PUDP: variants seen among roughly 807,000 people sequenced by gnomAD.
PUDP encodes the protein pseudouridine 5'-phosphatase.
PUDP carries 8 observed loss-of-function variants against 9.4 expected under a neutral mutation model. The observed-to-expected ratio is 0.85, with a 90% CI of 0.50 to 1.53. The LOEUF is 1.53. Among genes scored for constraint, PUDP ranks in the 40% most tolerant of loss-of-function variants. The probability of loss-of-function intolerance (pLI) is 0.00; values close to 1 mark genes in which losing one functional copy is unlikely to be tolerated. For synonymous variants in PUDP, 99 were observed against 80.7 expected (o/e 1.23, Z -1.22); for missense variants, 188 against 189.7 (o/e 0.99, Z 0.05).
intron 3 of PUDP, among the ~76,000 whole-genome samples, chrX:6,919,186 T>C (rs754142398): frequency 1.8e-5 from 2 of 112,198 alleles, no homozygotes; most frequent in Admixed American, 9.4e-5. Context: ...TTCAAAGAGT[T>C]TGAAATATTT....
intron 3 of PUDP, among the ~76,000 whole-genome samples, chrX:6,753,045 G>A (rs184289870): frequency 5.0e-4 from 55 of 110,718 alleles, no homozygotes; most frequent in Non-Finnish European, 4.2e-4. Context: ...CTTTAGTGGT[G>A]ATTTGTGAGA....
rs780445761 is a variant in PUDP at position 6,817,588 on chromosome X, T to C, written c.*248-111122A>G. 3.6e-5 allele frequency among the ~76,000 whole-genome samples: 4 copies of C among 111,788 alleles called. No individual in the cohort carries two copies. The East Asian group carries it at 1.1e-3, about 31-fold the overall frequency. On this transcript the variant is annotated intron_variant and NMD_transcript_variant, in intron 3 of 3. Coordinates refer to the PUDP transcript ENST00000655425. ...CAAATATTCTAGTCAATGGGAAAGA[T>C]TCACTAAGTCCTGCCCACACACAAG...
chrX:6,829,400 C>A (rs1352192405), intron 3 of PUDP, among the ~76,000 whole-genome samples: 5 of 111,411 alleles, frequency 4.5e-5, no homozygotes, highest in Non-Finnish European at 1.9e-5. Flanking sequence ...ATTGCTGGAT[C>A]GTAGGATAAG....
intron 3 of PUDP, among the ~76,000 whole-genome samples, chrX:6,746,020 C>A (rs1924995787): frequency 1.8e-5 from 2 of 112,223 alleles, no homozygotes; most frequent in Admixed American, 1.9e-4. Context: ...CCACTGATCA[C>A]AAAGCCCCCC....
intron 2 of PUDP, among the ~76,000 whole-genome samples, chrX:7,084,118 G>C (rs55991540): frequency 0.24 from 26,996 of 110,348 alleles, 2,619 homozygotes; most frequent in Admixed American, 0.41. Flanking sequence ...CATCTTTGCG[G>C]GTGAAGACAT....
At chrX:6,751,567 G>T (rs1485172330) in intron 3 of PUDP, among the ~76,000 whole-genome samples, 1 of 111,575 alleles carries the variant, frequency 9.0e-6, no homozygotes, top group East Asian at 2.8e-4. Context: ...TAAAATAGCA[G>T]GTAGCCACAA....
chrX:6,923,895 C>G (rs987241808), intron 3 of PUDP, among the ~76,000 whole-genome samples: 3 of 111,372 alleles, frequency 2.7e-5, no homozygotes, highest in African/African-American at 9.8e-5. Context: ...ACACACTTTG[C>G]TACCCACACA....
intron 1 of PUDP, among the ~76,000 whole-genome samples, chrX:7,004,013 CT>C (rs1322729738): frequency 9.0e-6 from 1 of 110,706 alleles, no homozygotes; most frequent in Non-Finnish European, 1.9e-5. Context: ...GTAGCTGGGA[CT>C]ACAGGCACAC....
At chrX:7,003,724 G>C (rs1929361539) in intron 1 of PUDP, among the ~76,000 whole-genome samples, 2 of 111,795 alleles carry the variant, frequency 1.8e-5, no homozygotes, top group African/African-American at 6.5e-5. Context: ...TTTTTTGAAA[G>C]GGGGACAGCG....
At chrX:7,129,822 C>T (rs1932572673) in intron 1 of PUDP, among the ~76,000 whole-genome samples, 2 of 111,613 alleles carry the variant, frequency 1.8e-5, no homozygotes, top group Non-Finnish European at 3.8e-5. Flanking sequence ...ACCTTCCTTA[C>T]TACTAGAAAT....
chrX:7,081,443 G>A (rs941718042), intron 2 of PUDP, among the ~76,000 whole-genome samples: 3 of 112,341 alleles, frequency 2.7e-5, no homozygotes, highest in African/African-American at 9.7e-5. Context: ...GTGAGCCACT[G>A]TACCCGGCCG....
intron 3 of PUDP, among the ~76,000 whole-genome samples, chrX:7,070,681 G>A (rs1880058734): frequency 9.0e-6 from 1 of 110,821 alleles, no homozygotes; most frequent in African/African-American, 3.3e-5. Context: ...GGGTTCAGGC[G>A]ATTCTCCTGC....
intron 1 of PUDP, among the ~76,000 whole-genome samples, chrX:7,032,565 C>T (rs936052612): frequency 1.8e-5 from 2 of 112,182 alleles, no homozygotes; most frequent in Non-Finnish European, 3.8e-5. Context: ...TTACCTGCAA[C>T]GGAAACACAT....
At chrX:6,952,243 G>A (rs1361408223) in intron 3 of PUDP, among the ~76,000 whole-genome samples, 6 of 111,951 alleles carry the variant, frequency 5.4e-5, no homozygotes, top group Non-Finnish European at 1.1e-4. Context: ...TTCTCCTTTG[G>A]TAGTAATTTT....
chrX:6,844,453 G>C (rs371567306), intron 3 of PUDP, among the ~76,000 whole-genome samples: 1 of 112,062 alleles, frequency 8.9e-6, no homozygotes, highest in East Asian at 2.8e-4. Context: ...ATTCTAACGG[G>C]GAAAATGGTG....
At chrX:6,816,953 T>TA (rs1286714686) in intron 3 of PUDP, among the ~76,000 whole-genome samples, 5 of 96,256 alleles carry the variant, frequency 5.2e-5, no homozygotes, top group African/African-American at 7.7e-5. Context: ...ATATACTATA[T>TA]GTATATACAA....
chrX:6,905,596 C>T (rs935333259), intron 3 of PUDP, among the ~76,000 whole-genome samples: 5 of 111,133 alleles, frequency 4.5e-5, no homozygotes, highest in African/African-American at 1.6e-4. Context: ...AGGGGAAATC[C>T]TCCCCCATGA....
intron 3 of PUDP, among the ~76,000 whole-genome samples, chrX:6,842,451 A>C (rs889462134): frequency 1.8e-5 from 2 of 111,771 alleles, no homozygotes; most frequent in African/African-American, 6.5e-5. Context: ...GTACCTATTT[A>C]GATTATTAAA....
At chrX:6,868,353 G>A (rs1033991536) in intron 3 of PUDP, among the ~76,000 whole-genome samples, 1 of 112,047 alleles carries the variant, frequency 8.9e-6, no homozygotes, top group Non-Finnish European at 1.9e-5. Context: ...CTGACCCTGT[G>A]CTCCATATTC....
Sources: gnomAD v4.1 joint callset for allele counts (sites outside exome capture counted in the v4.1 genomes callset) on GRCh38, gnomAD v4.1.1 for gene constraint, MANE v1.5 for transcripts, NCBI Gene and HGNC (gene_info 2026-07-23, HGNC 2026-07-21) for gene names.